Variants in IP6K3 observed in about 807,000 individuals in gnomAD.
IP6K3 encodes the protein inositol hexakisphosphate kinase 3.
IP6K3 carries 20 observed loss-of-function variants against 28.8 expected under a neutral mutation model. That is an observed-to-expected ratio of 0.70 (90% CI 0.49 to 1.01). The LOEUF (loss-of-function observed/expected upper bound fraction) is 1.01. Ranked by LOEUF, IP6K3 falls within the 50% of genes least tolerant of loss-of-function variation. The pLI, the probability that IP6K3 is intolerant of heterozygous loss-of-function variation, is 0.00. For synonymous variants in IP6K3, 213 were observed against 221.3 expected, an observed-to-expected ratio of 0.96 and a Z score of 0.33; for missense variants, 480 against 537.1, an observed-to-expected ratio of 0.89 and a Z score of 1.05.
At chr6:33,745,227 G>C (rs567899035) in intron 1 of IP6K3, among the ~76,000 whole-genome samples, 2 of 152,356 alleles carry the variant, frequency 1.3e-5, no homozygotes, top group African/African-American at 4.8e-5. Context: ...CCGGGTTTCT[G>C]CCTGGGAAGG....
upstream of IP6K3, among the ~76,000 whole-genome samples, chr6:33,748,209 C>T (rs904768719): frequency 6.6e-6 from 1 of 152,180 alleles, no homozygotes; most frequent in Admixed American, 6.5e-5. Context: ...CTCTCGGACT[C>T]ATCCCCCAGG....
chr6:33,733,414 A>C, intron 2 of IP6K3, among the ~76,000 whole-genome samples: 1 of 152,188 alleles, frequency 6.6e-6, no homozygotes, highest in African/African-American at 2.4e-5. Context: ...GCCGTTGCAG[A>C]TGGGGAGCAG....
chr6:33,746,405 C>G lies in IP6K3; in HGVS notation c.-180+353G>C. On this transcript the variant is annotated intron_variant, in intron 1 of 5. Coordinates refer to ENST00000293756, the MANE Select transcript of IP6K3 (RefSeq NM_054111.5). The surrounding 1 kb of genome is among the most constrained non-coding windows in gnomAD (Gnocchi z 6.5). Reference sequence around the variant, plus strand: ...CAGCCCCCGGTACTTGCCCCTCCCCCCAGCTTCCTCTGTAGTCCCAGTCCA... The same window carrying G: ...CAGCCCCCGGTACTTGCCCCTCCCCGCAGCTTCCTCTGTAGTCCCAGTCCA... Among the ~76,000 whole-genome samples, 1 of 152,184 alleles carries G rather than the reference C, an allele frequency of 6.6e-6. No individual in the cohort carries two copies. The highest frequency in any genetic ancestry group is 1.5e-5 in the Non-Finnish European group (1 of 68,014).
At position 33,744,379 on chromosome 6, in the gene IP6K3, G is replaced by A. The variant is rs576876594; in HGVS notation, c.-180+2379C>T. Among the ~76,000 whole-genome samples the A allele has an allele frequency of 2.0e-4, 31 of 152,338 alleles. No homozygotes were observed. The South Asian group carries it at 6.0e-3, about 30-fold the overall frequency. On this transcript the variant is annotated intron_variant, in intron 1 of 5. Coordinates refer to ENST00000293756, the MANE Select transcript of IP6K3 (RefSeq NM_054111.5). This position sits in a 1 kb window ranked among gnomAD's most constrained non-coding sequence, Gnocchi z 4.4. ...AGAGACCTATGAGCCACAGACGTAAGGTGTTGCCAGCGGTTAGCATGGCAG... is the reference window on the plus strand; with the variant it reads ...AGAGACCTATGAGCCACAGACGTAAAGTGTTGCCAGCGGTTAGCATGGCAG...
intron 1 of IP6K3, among the ~76,000 whole-genome samples, chr6:33,738,554 C>G (rs537734024): frequency 6.6e-6 from 1 of 152,276 alleles, no homozygotes; most frequent in East Asian, 1.9e-4. Flanking sequence ...CCATAATAAC[C>G]CTATGAGGCA....
chr6:33,761,664 G>C, the IP6K3 span, among the ~76,000 whole-genome samples: 2 of 152,118 alleles, frequency 1.3e-5, no homozygotes, highest in Non-Finnish European at 2.9e-5. Flanking sequence ...CCTCTCCAGA[G>C]TGGGGGACAG....
intron 2 of IP6K3, among the ~76,000 whole-genome samples, chr6:33,731,924 G>A (rs919872536): frequency 6.6e-5 from 10 of 152,072 alleles, no homozygotes; most frequent in Non-Finnish European, 1.2e-4. Context: ...ATCTCAACCC[G>A]AGACCATGCC....
chr6:33,731,929 C>T (rs1383530595), intron 2 of IP6K3, among the ~76,000 whole-genome samples: 1 of 152,194 alleles, frequency 6.6e-6, no homozygotes, highest in Non-Finnish European at 1.5e-5. Context: ...AACCCGAGAC[C>T]ATGCCAGCTG....
intron 2 of IP6K3, among the ~76,000 whole-genome samples, chr6:33,734,742 A>G (rs1049199385): frequency 6.6e-6 from 1 of 152,228 alleles, no homozygotes; most frequent in African/African-American, 2.4e-5. Context: ...TGCCCCATGC[A>G]GAAGTTTCCC....
the IP6K3 span, among the ~76,000 whole-genome samples, chr6:33,756,399 A>G: frequency 6.6e-6 from 1 of 152,084 alleles, no homozygotes; most frequent in African/African-American, 2.4e-5. Context: ...GCCCAGGGGC[A>G]GGAGTCAGGA....
intron 4 of IP6K3, among the ~76,000 whole-genome samples, chr6:33,726,522 C>T (rs976483568): frequency 6.6e-6 from 1 of 152,236 alleles, no homozygotes; most frequent in African/African-American, 2.4e-5. Context: ...CTTCCCCATA[C>T]TGTCTAGCTG....
intron 1 of IP6K3, among the ~76,000 whole-genome samples, chr6:33,739,629 C>G (rs1436190696): frequency 6.6e-6 from 1 of 152,214 alleles, no homozygotes; most frequent in Non-Finnish European, 1.5e-5. Context: ...GGGGAAGGCC[C>G]CTGTTTTTCC....
intron 4 of IP6K3, among the ~76,000 whole-genome samples, chr6:33,725,875 C>T (rs1392801910): frequency 6.6e-6 from 1 of 152,002 alleles, no homozygotes; most frequent in African/African-American, 2.4e-5. Context: ...CATTTTGCTC[C>T]GAGGTTGAAA....
At chr6:33,727,316 A>T (rs1407652996) in intron 3 of IP6K3, among the ~76,000 whole-genome samples, 1 of 152,200 alleles carries the variant, frequency 6.6e-6, no homozygotes, top group African/African-American at 2.4e-5. Flanking sequence ...CTGAGACCTC[A>T]GAAGGGCACA....
At chr6:33,734,487 G>A (rs1766437779) in intron 2 of IP6K3, among the ~76,000 whole-genome samples, 1 of 152,210 alleles carries the variant, frequency 6.6e-6, no homozygotes, top group Admixed American at 6.5e-5. Context: ...GAGGGCAGCA[G>A]CTTGCAGTCA....
rs1221830372 is a variant in IP6K3 at position 33,742,942 on chromosome 6, A to C, written c.-180+3816T>G. 1.3e-5 allele frequency among the ~76,000 whole-genome samples: 2 copies of C among 152,046 alleles called. No homozygotes were observed. The highest frequency in any genetic ancestry group is 2.9e-5 in the Non-Finnish European group (2 of 68,010). Reference sequence around the variant, plus strand: ...GGCCTGCTTTGGGGAGTGTGTGTACAGGGAGCAATAGGGAAGGGCAAGGAG... The same window carrying C: ...GGCCTGCTTTGGGGAGTGTGTGTACCGGGAGCAATAGGGAAGGGCAAGGAG... On this transcript the variant is annotated intron_variant, in intron 1 of 5. Coordinates refer to ENST00000293756, the MANE Select transcript of IP6K3 (RefSeq NM_054111.5). This position sits in a 1 kb window ranked among gnomAD's most constrained non-coding sequence, Gnocchi z 4.5.
chr6:33,755,692 C>T, the IP6K3 span, among the ~76,000 whole-genome samples: 12 of 152,222 alleles, frequency 7.9e-5, no homozygotes, highest in Non-Finnish European at 1.3e-4. Flanking sequence ...GGGTCCCCCC[C>T]GCTGTGAGGC....
At chr6:33,739,531 G>A (rs1253368730) in intron 1 of IP6K3, among the ~76,000 whole-genome samples, 2 of 152,210 alleles carry the variant, frequency 1.3e-5, no homozygotes, top group African/African-American at 2.4e-5. Flanking sequence ...CCTTGGCACT[G>A]ATGCTGACCT....
At chr6:33,755,413 C>G in the IP6K3 span, among the ~76,000 whole-genome samples, 5 of 152,228 alleles carry the variant, frequency 3.3e-5, no homozygotes, top group Non-Finnish European at 7.3e-5. Context: ...GAAGGGCAGC[C>G]TCGAGCAGAT....
Sources: gnomAD v4.1 joint callset for allele counts (sites outside exome capture counted in the v4.1 genomes callset) on GRCh38, gnomAD v4.1.1 for gene constraint, Gnocchi (gnomAD v3.1) non-coding constraint, MANE v1.5 for transcripts, NCBI Gene and HGNC (gene_info 2026-07-23, HGNC 2026-07-21) for gene names.